GALNT13: variants seen among roughly 807,000 people sequenced by gnomAD.
GALNT13 encodes polypeptide N-acetylgalactosaminyltransferase 13.
A neutral mutation model predicts 64.2 loss-of-function variants in GALNT13; 28 were observed. The observed-to-expected ratio is 0.44, with a 90% CI of 0.32 to 0.60. GALNT13 has a LOEUF of 0.60. Among genes scored for constraint, GALNT13 ranks in the 20% least tolerant of loss-of-function variants. The pLI, the probability that GALNT13 is intolerant of heterozygous loss-of-function variation, is 0.05. For synonymous variants in GALNT13, 214 were observed against 224.6 expected (o/e 0.95, Z 0.42); for missense variants, 577 against 669.8 (o/e 0.86, Z 1.53).
the GALNT13 span, among the ~76,000 whole-genome samples, chr2:153,789,857 A>G: frequency 6.6e-6 from 1 of 152,142 alleles, no homozygotes; most frequent in Non-Finnish European, 1.5e-5. Context: ...ATCTGGACAC[A>G]TACACCCTCC....
At chr2:154,166,936 A>T (rs974880269) in intron 4 of GALNT13, among the ~76,000 whole-genome samples, 1 of 149,734 alleles carries the variant, frequency 6.7e-6, no homozygotes, top group Admixed American at 6.7e-5. Flanking sequence ...ATGAGAACAC[A>T]TGGACACAGG....
chr2:154,133,767 T>C (rs578020123), intron 3 of GALNT13, among the ~76,000 whole-genome samples: 8 of 151,868 alleles, frequency 5.3e-5, no homozygotes, highest in African/African-American at 1.7e-4. Context: ...TCGGGGAGTT[T>C]CATAGACTAA....
chr2:154,369,636 CTCT>C (rs1697568988), intron 9 of GALNT13, among the ~76,000 whole-genome samples: 1 of 152,076 alleles, frequency 6.6e-6, no homozygotes, highest in South Asian at 2.1e-4. Flanking sequence ...AGCCAGTCTC[CTCT>C]TAAAGTGCCA....
chr2:153,302,505 A>T, the GALNT13 span, among the ~76,000 whole-genome samples: 3 of 151,994 alleles, frequency 2.0e-5, no homozygotes, highest in African/African-American at 7.2e-5. Flanking sequence ...TTATTTTCAC[A>T]TTCCGTAAGT....
At chr2:153,333,754 G>A in the GALNT13 span, among the ~76,000 whole-genome samples, 1 of 152,212 alleles carries the variant, frequency 6.6e-6, no homozygotes. Context: ...GCAAAAATAT[G>A]AAAAGTCTTC....
chr2:153,373,882 T>C, the GALNT13 span, among the ~76,000 whole-genome samples: 1 of 152,206 alleles, frequency 6.6e-6, no homozygotes, highest in African/African-American at 2.4e-5. Flanking sequence ...CCTTCTGTGA[T>C]TAGCTTATTT....
intron 11 of GALNT13, among the ~76,000 whole-genome samples, chr2:154,434,133 C>T (rs1019592630): frequency 1.3e-5 from 2 of 152,196 alleles, no homozygotes; most frequent in Non-Finnish European, 2.9e-5. Context: ...CTTCCAGCCT[C>T]CAAACCTGTC....
At chr2:154,255,504 T>A in intron 7 of GALNT13, among the ~76,000 whole-genome samples, 1 of 152,110 alleles carries the variant, frequency 6.6e-6, no homozygotes, top group East Asian at 1.9e-4. Context: ...AACATAAATG[T>A]TAATAGTCGA....
chr2:153,217,729 C>A, the GALNT13 span, among the ~76,000 whole-genome samples: 1 of 148,370 alleles, frequency 6.7e-6, no homozygotes, highest in African/African-American at 2.5e-5. Flanking sequence ...ATGTTTCCCC[C>A]TGTTTCTCTT....
chr2:153,983,728 T>C (rs1308586428), intron 3 of GALNT13, among the ~76,000 whole-genome samples: 1 of 152,008 alleles, frequency 6.6e-6, no homozygotes, highest in African/African-American at 2.4e-5. Flanking sequence ...TCCTTGGCAT[T>C]CTATCTCATT....
chr2:153,932,626 CTTTT>C (rs34617568), intron 2 of GALNT13, among the ~76,000 whole-genome samples: 6 of 95,642 alleles, frequency 6.3e-5, no homozygotes, highest in African/African-American at 8.8e-5. Context: ...TTCTGTCTTT[CTTTT>C]TTTTTTTTTT....
the GALNT13 span, among the ~76,000 whole-genome samples, chr2:153,659,718 A>G: frequency 1.2e-4 from 18 of 152,150 alleles, no homozygotes; most frequent in Non-Finnish European, 1.9e-4. Context: ...TGCAAAGACA[A>G]TGGAAAGCAG....
chr2:154,339,552 T>C (rs1695639833), intron 9 of GALNT13, among the ~76,000 whole-genome samples: 1 of 152,150 alleles, frequency 6.6e-6, no homozygotes, highest in Admixed American at 6.6e-5. Context: ...ATGTAGTTCT[T>C]ATAGAGACAT....
At chr2:153,714,929 G>C in the GALNT13 span, among the ~76,000 whole-genome samples, 1 of 152,180 alleles carries the variant, frequency 6.6e-6, no homozygotes. Context: ...GCCATAAGCT[G>C]TTGAGAGCTA....
At chr2:153,751,430 G>A in the GALNT13 span, among the ~76,000 whole-genome samples, 2 of 151,414 alleles carry the variant, frequency 1.3e-5, no homozygotes, top group Admixed American at 6.6e-5. Context: ...GTGGGGTGTT[G>A]AAGTCTCCAA....
chr2:153,249,274 C>T, the GALNT13 span, among the ~76,000 whole-genome samples: 1 of 152,058 alleles, frequency 6.6e-6, no homozygotes, highest in African/African-American at 2.4e-5. Context: ...CTCCCATTTA[C>T]AATTAGTATA....
At chr2:153,230,230 G>T in the GALNT13 span, among the ~76,000 whole-genome samples, 1 of 152,132 alleles carries the variant, frequency 6.6e-6, no homozygotes, top group Non-Finnish European at 1.5e-5. Flanking sequence ...GTTGGAATTT[G>T]GGGAAGAATT....
At chr2:153,287,224 G>C in the GALNT13 span, among the ~76,000 whole-genome samples, 19 of 152,288 alleles carry the variant, frequency 1.2e-4, no homozygotes, top group Middle Eastern at 0.01. Context: ...TACCCCTAGG[G>C]GAGCATGCAG....
At chr2:154,122,169 C>T (rs1574543408) in intron 3 of GALNT13, among the ~76,000 whole-genome samples, 2 of 151,630 alleles carry the variant, frequency 1.3e-5, no homozygotes, top group South Asian at 4.2e-4. Context: ...GTTGAATCGG[C>T]CATACATACC....
Sources: gnomAD v4.1 joint callset for allele counts (sites outside exome capture counted in the v4.1 genomes callset) on GRCh38, gnomAD v4.1.1 for gene constraint, MANE v1.5 for transcripts, NCBI Gene and HGNC (gene_info 2026-07-23, HGNC 2026-07-21) for gene names.